Variants in SYNE2 observed in about 807,000 individuals in gnomAD.
SYNE2 encodes spectrin repeat containing nuclear envelope protein 2, also known as nesprin-2.
SYNE2 carries 431 observed loss-of-function variants against 856.3 expected under a neutral mutation model. The observed-to-expected ratio is 0.50, with a 90% CI of 0.47 to 0.55. SYNE2 has a LOEUF of 0.55. SYNE2 is among the 20% of genes least tolerant of loss of function. The pLI, the probability that SYNE2 is intolerant of heterozygous loss-of-function variation, is 0.00. For synonymous variants in SYNE2, 2,923 were observed against 2,872.3 expected (o/e 1.02, Z -0.56); for missense variants, 8,129 against 8,023.2 (o/e 1.01, Z -0.50).
At chr14:63,943,733 C>T (rs1238361283) in intron 6 of SYNE2, among the ~76,000 whole-genome samples, 11 of 151,004 alleles carry the variant, frequency 7.3e-5, no homozygotes, top group East Asian at 2.0e-4. Flanking sequence ...TGCAGTGGCA[C>T]GATCTCGGCT....
intron 49 of SYNE2, among the ~76,000 whole-genome samples, chr14:64,056,780 C>T (rs879441301): frequency 5.9e-5 from 9 of 152,160 alleles, no homozygotes; most frequent in East Asian, 3.9e-4. Context: ...AAGTAATTCT[C>T]CTGCCTCAGC....
At chr14:64,037,783 G>A (rs2097105472) in intron 45 of SYNE2, among the ~76,000 whole-genome samples, 1 of 137,616 alleles carries the variant, frequency 7.3e-6, no homozygotes, top group Non-Finnish European at 1.6e-5. Context: ...CTTCCCAGTA[G>A]GGGCGGCCGG....
chr14:63,869,546 G>A (rs548778645), intron 1 of SYNE2, among the ~76,000 whole-genome samples: 61 of 150,596 alleles, frequency 4.1e-4, no homozygotes, highest in African/African-American at 1.4e-3. Context: ...CGCTTGAAAC[G>A]GAGGTGGTGG....
chr14:64,212,231 C>T (rs2098645416), intron 104 of SYNE2, 133 bp downstream of exon 104: 9 of 1,398,330 alleles, frequency 6.4e-6, no homozygotes, highest in Non-Finnish European at 8.0e-6. Context: ...CTACATCCCA[C>T]CTGTGTACTA....
At chr14:64,165,041 C>T (rs191448269) in intron 89 of SYNE2, among the ~76,000 whole-genome samples, 1 of 152,064 alleles carries the variant, frequency 6.6e-6, no homozygotes, top group East Asian at 1.9e-4. Flanking sequence ...GCTCACACCA[C>T]TATGCCCAGC....
At chr14:64,006,641 C>A (rs745446505) in intron 30 of SYNE2, among the ~76,000 whole-genome samples, 1 of 151,942 alleles carries the variant, frequency 6.6e-6, no homozygotes, top group Non-Finnish European at 1.5e-5. Flanking sequence ...CAAGTCTGGG[C>A]AACATAGTGA....
intron 21 of SYNE2, among the ~76,000 whole-genome samples, chr14:63,992,629 A>C (rs960478188): frequency 6.6e-6 from 1 of 151,790 alleles, no homozygotes; most frequent in Non-Finnish European, 1.5e-5. Context: ...TTTTCACACC[A>C]TTTTCCTCTC....
At chr14:63,784,675 T>G (rs1887446450) in intron 1 of SYNE2, among the ~76,000 whole-genome samples, 1 of 151,504 alleles carries the variant, frequency 6.6e-6, no homozygotes, top group Non-Finnish European at 1.5e-5. Flanking sequence ...TTTGTAATTA[T>G]ATAAAAATAG....
intron 1 of SYNE2, among the ~76,000 whole-genome samples, chr14:63,846,591 T>C (rs968643270): frequency 6.6e-6 from 1 of 151,564 alleles, no homozygotes; most frequent in African/African-American, 2.4e-5. Flanking sequence ...TTTCTGTTTT[T>C]TGTTTGTTTG....
At chr14:63,832,536 A>G (rs1022971847) in intron 1 of SYNE2, among the ~76,000 whole-genome samples, 2 of 151,948 alleles carry the variant, frequency 1.3e-5, no homozygotes, top group African/African-American at 4.8e-5. Context: ...CCAGAGAAAA[A>G]TTATTATTTT....
intron 1 of SYNE2, among the ~76,000 whole-genome samples, chr14:63,782,364 A>G (rs1218782019): frequency 6.9e-6 from 1 of 145,606 alleles, no homozygotes; most frequent in Non-Finnish European, 1.5e-5. Flanking sequence ...GCTACTCAGG[A>G]GGTTGAGGCT....
At chr14:63,949,166 C>T (rs2096107555) in intron 6 of SYNE2, among the ~76,000 whole-genome samples, 1 of 151,934 alleles carries the variant, frequency 6.6e-6, no homozygotes, top group Admixed American at 6.6e-5. Flanking sequence ...GGGTAGATAC[C>T]ATATCGCCCT....
intron 109 of SYNE2, 83 bp from the exon 110 acceptor site, chr14:64,219,122 TTTA>T: frequency 2.0e-6 from 2 of 1,008,002 alleles, no homozygotes; most frequent in Admixed American, 2.7e-5. Flanking sequence ...TTTTTTTTTT[TTTA>T]ACCACCCTGA....
At chr14:64,069,587 C>T (rs1395444305) in intron 51 of SYNE2, among the ~76,000 whole-genome samples, 1 of 152,214 alleles carries the variant, frequency 6.6e-6, no homozygotes, top group Non-Finnish European at 1.5e-5. Flanking sequence ...TGCATCTGAG[C>T]AGTAATCCCA....
At chr14:63,896,978 G>A (rs1259854342) in intron 1 of SYNE2, among the ~76,000 whole-genome samples, 5 of 152,090 alleles carry the variant, frequency 3.3e-5, no homozygotes, top group Non-Finnish European at 5.9e-5. Flanking sequence ...ATGGCCTGGC[G>A]CAGTGGCTCA....
intron 14 of SYNE2, among the ~76,000 whole-genome samples, chr14:63,979,457 AG>A (rs1177349170): frequency 5.3e-5 from 8 of 152,228 alleles, no homozygotes; most frequent in African/African-American, 1.9e-4. Flanking sequence ...TTTTGTCATG[AG>A]GCTTTCCTTT....
intron 1 of SYNE2, among the ~76,000 whole-genome samples, chr14:63,882,082 G>T (rs1267179760): frequency 6.6e-6 from 1 of 152,176 alleles, no homozygotes; most frequent in African/African-American, 2.4e-5. Flanking sequence ...TGATGCAGGT[G>T]GAGCCGTAGA....
At chr14:63,899,689 A>G (rs531290953) in intron 1 of SYNE2, among the ~76,000 whole-genome samples, 1 of 152,112 alleles carries the variant, frequency 6.6e-6, no homozygotes, top group African/African-American at 2.4e-5. Flanking sequence ...TTTTGTAAAG[A>G]TGGGGTTTTA....
At chr14:63,961,102 A>C (rs542369841) in intron 8 of SYNE2, among the ~76,000 whole-genome samples, 2 of 152,324 alleles carry the variant, frequency 1.3e-5, no homozygotes, top group East Asian at 3.9e-4. Context: ...GCTTTACTGC[A>C]CACATGCCAA....
Sources: allele counts gnomAD v4.1 joint callset (sites outside exome capture counted in the v4.1 genomes callset), GRCh38; gene constraint gnomAD v4.1.1; transcripts MANE v1.5; gene names NCBI Gene and HGNC (gene_info 2026-07-23, HGNC 2026-07-21).